NTNG1: variants seen among roughly 807,000 people sequenced by gnomAD.
NTNG1 encodes netrin-G1.
NTNG1 carries 16 observed loss-of-function variants against 54.0 expected under a neutral mutation model. That is an observed-to-expected ratio of 0.30 (90% CI 0.20 to 0.45). NTNG1 has a LOEUF of 0.45. Among genes scored for constraint, NTNG1 ranks in the 20% least tolerant of loss-of-function variants. The pLI is 1.00. For synonymous variants in NTNG1, 255 were observed against 263.1 expected (o/e 0.97, Z 0.30); for missense variants, 530 against 678.7 (o/e 0.78, Z 2.43).
rs547368594 is a variant in NTNG1 at position 107,440,728 on chromosome 1, T to A, written c.1390+3929T>A. On this transcript the variant is annotated intron_variant, in intron 7 of 7. Transcript: ENST00000370068. The stretch of plus-strand genomic sequence containing the variant: ...GCCTCCTGGTTAGAGACAAGACGGA[T>A]TCAAGAAAGTGAAGCAAAGCTGACC... 2.4e-4 allele frequency among the ~76,000 whole-genome samples: 36 copies of A among 152,216 alleles called. 2 individuals are homozygous for A. In the South Asian group the frequency reaches 7.5e-3, roughly 32 times the overall value.
chr1:107,145,526 G>T (rs963968688), intron 1 of NTNG1, among the ~76,000 whole-genome samples: 2 of 151,870 alleles, frequency 1.3e-5, no homozygotes, highest in Non-Finnish European at 1.5e-5. Flanking sequence ...AATACGCCGT[G>T]GTCAATATCT....
At chr1:107,241,914 C>T (rs1266730887) in intron 2 of NTNG1, among the ~76,000 whole-genome samples, 1 of 152,106 alleles carries the variant, frequency 6.6e-6, no homozygotes, top group Non-Finnish European at 1.5e-5. Context: ...TCCTGCATCA[C>T]CGTGCTCACA....
intron 2 of NTNG1, among the ~76,000 whole-genome samples, chr1:107,318,305 A>G (rs1337946519): frequency 2.6e-5 from 4 of 152,128 alleles, no homozygotes; most frequent in African/African-American, 9.7e-5. Flanking sequence ...CATCTCGGTT[A>G]TCAGGTCCAT....
rs555338057 is a variant in NTNG1, at chr1:107,469,695, C to T, written c.1391-10916C>T. On this transcript the variant is annotated intron_variant, in intron 7 of 7. Transcript: ENST00000370068. ...TCTTGAACTCCTGAGCTCAAGTGAC[C>T]CTCCTGCCTCGGCCTCTCAAAGTGC... Among the ~76,000 whole-genome samples, 8 of 152,188 alleles carry T rather than the reference C, an allele frequency of 5.3e-5. No individual in the cohort carries two copies. In the East Asian group the frequency reaches 1.5e-3, roughly 29 times the overall value.
intron 2 of NTNG1, among the ~76,000 whole-genome samples, chr1:107,308,940 G>A (rs1666846712): frequency 6.6e-6 from 1 of 152,060 alleles, no homozygotes; most frequent in Non-Finnish European, 1.5e-5. Context: ...TTGCTTGACT[G>A]TTGTTGGCTT....
At chr1:107,373,661 GA>G in intron 3 of NTNG1, among the ~76,000 whole-genome samples, 1 of 148,360 alleles carries the variant, frequency 6.7e-6, no homozygotes, top group African/African-American at 2.5e-5. Context: ...TTGTATGTCT[GA>G]AAATGTCTTT....
rs576247813 is a variant in NTNG1, at chr1:107,481,000, G to A, written c.*160G>A. ...CTGAACTAAGCCATATTTATCACCC[G>A]TGGACAGCACATCCGAGTCAAGACT... On this transcript the variant is annotated 3_prime_UTR_variant, in exon 8 of 8. Coordinates refer to ENST00000370068, the MANE Select transcript of NTNG1 (RefSeq NM_001113226.3). 1.7e-4 allele frequency: 102 copies of A among 599,404 alleles called. 3 individuals carry two copies. In the South Asian group the frequency reaches 2.2e-3, roughly 13 times the overall value. 37.1% of individuals were successfully genotyped at this position (599,404 alleles called of 1,614,324 possible).
At chr1:107,380,469 A>G (rs1671574432) in intron 3 of NTNG1, among the ~76,000 whole-genome samples, 1 of 152,150 alleles carries the variant, frequency 6.6e-6, no homozygotes, top group South Asian at 2.1e-4. Flanking sequence ...TATCTGTAAA[A>G]TAGGGATAGT....
At chr1:107,281,920 T>A (rs1363592765) in intron 2 of NTNG1, among the ~76,000 whole-genome samples, 3 of 152,178 alleles carry the variant, frequency 2.0e-5, no homozygotes, top group Non-Finnish European at 2.9e-5. Flanking sequence ...CACAGACAGG[T>A]AACAGTTTTC....
At chr1:107,332,852 C>T (rs769202476) in intron 3 of NTNG1, among the ~76,000 whole-genome samples, 2 of 152,008 alleles carry the variant, frequency 1.3e-5, no homozygotes, top group Non-Finnish European at 2.9e-5. Context: ...TGCATAAAAA[C>T]TCATGGTTAC....
At chr1:107,431,445 A>T (rs188973649) in intron 6 of NTNG1, among the ~76,000 whole-genome samples, 17 of 152,302 alleles carry the variant, frequency 1.1e-4, no homozygotes, top group Middle Eastern at 3.4e-3. Flanking sequence ...CTTCATCCAT[A>T]GCAATGAAAT....
At position 107,147,153 on chromosome 1, in the gene NTNG1, G is replaced by A. The variant is rs1557758403; in HGVS notation, c.-525-916G>A. ...ACCAATGACTTGTAGCCATAGTTAT[G>A]TAGGATGCATTATCAGTTAATCAAA... is the stretch of plus-strand genomic sequence containing the variant. On this transcript the variant is annotated intron_variant, in intron 1 of 7. Transcript: ENST00000370068. Among the ~76,000 whole-genome samples the A allele has an allele frequency of 2.6e-5, 4 of 152,214 alleles. 1 individual carries two copies. Among genetic ancestry groups the A allele is most frequent in the Middle Eastern group, 6.8e-3 (2 of 294 alleles).
chr1:107,194,489 T>G (rs1053101426), intron 2 of NTNG1, among the ~76,000 whole-genome samples: 3 of 152,078 alleles, frequency 2.0e-5, no homozygotes, highest in African/African-American at 7.2e-5. Context: ...TCTTCTTTCT[T>G]TCTCCCTTTC....
intron 3 of NTNG1, among the ~76,000 whole-genome samples, chr1:107,343,081 T>C (rs1264994898): frequency 6.6e-6 from 1 of 152,142 alleles, no homozygotes; most frequent in Non-Finnish European, 1.5e-5. Context: ...GGAGCCATGA[T>C]TTCTCTCCCA....
chr1:107,328,374 G>T (rs2101890251), intron 3 of NTNG1, among the ~76,000 whole-genome samples: 1 of 152,146 alleles, frequency 6.6e-6, no homozygotes, highest in Non-Finnish European at 1.5e-5. Context: ...CTAATGGAAG[G>T]TACATTAAAG....
intron 7 of NTNG1, among the ~76,000 whole-genome samples, chr1:107,469,039 G>A (rs1677795000): frequency 6.8e-6 from 1 of 147,336 alleles, no homozygotes; most frequent in Non-Finnish European, 1.5e-5. Flanking sequence ...GGAGGTTGCA[G>A]TGAGCCATTA....
chr1:107,184,048 T>C (rs1657262442), intron 2 of NTNG1, among the ~76,000 whole-genome samples: 1 of 152,156 alleles, frequency 6.6e-6, no homozygotes, highest in Non-Finnish European at 1.5e-5. Context: ...ATCTATCTAC[T>C]GCCCACAACT....
chr1:107,300,270 C>T (rs1013896537), intron 2 of NTNG1, among the ~76,000 whole-genome samples: 1 of 152,156 alleles, frequency 6.6e-6, no homozygotes, highest in Non-Finnish European at 1.5e-5. Context: ...TCACATGCCA[C>T]GTTTTCTTTA....
intron 7 of NTNG1, among the ~76,000 whole-genome samples, chr1:107,477,019 A>G (rs970665527): frequency 6.6e-6 from 1 of 152,264 alleles, no homozygotes; most frequent in Non-Finnish European, 1.5e-5. Context: ...CAGGATACTG[A>G]AGTAATTCCT....
Sources: allele counts gnomAD v4.1 joint callset (sites outside exome capture counted in the v4.1 genomes callset), GRCh38; gene constraint gnomAD v4.1.1; transcripts MANE v1.5; gene names NCBI Gene and HGNC (gene_info 2026-07-23, HGNC 2026-07-21).